Variants in MYPN observed in about 807,000 individuals in gnomAD.
MYPN encodes sarcomeric protein myopalladin, 145 kDa (MYOP).
A neutral mutation model predicts 129.4 loss-of-function variants in MYPN; 63 were observed. That is an observed-to-expected ratio of 0.49 (90% CI 0.40 to 0.60). The LOEUF (loss-of-function observed/expected upper bound fraction) is 0.60. Ranked by LOEUF, MYPN falls within the 20% of genes least tolerant of loss-of-function variation. The pLI, the probability that MYPN is intolerant of heterozygous loss-of-function variation, is 0.00. For missense variants in MYPN, 1,596 were observed against 1,635.4 expected, an observed-to-expected ratio of 0.98 and a Z score of 0.42; for synonymous variants, 629 against 600.9, an observed-to-expected ratio of 1.05 and a Z score of -0.68.
upstream of MYPN, among the ~76,000 whole-genome samples, chr10:68,108,604 T>A (rs1307938689): frequency 1.3e-5 from 2 of 152,234 alleles, no homozygotes; most frequent in Non-Finnish European, 2.9e-5. Flanking sequence ...TAACCATCAT[T>A]TAAGTCTGAA....
intron 12 of MYPN, among the ~76,000 whole-genome samples, chr10:68,188,631 C>G (rs1258979219): frequency 6.6e-6 from 1 of 152,146 alleles, no homozygotes; most frequent in South Asian, 2.1e-4. Flanking sequence ...AAATTATATT[C>G]CATCTACATT....
chr10:68,124,437 T>C (rs78650057), intron 2 of MYPN, among the ~76,000 whole-genome samples: 3,402 of 152,308 alleles, frequency 0.022, 214 homozygotes, highest in East Asian at 0.2. Context: ...TATTCCATAA[T>C]ATTCAATTAT....
chr10:68,131,375 C>T (rs1225275337), intron 2 of MYPN, among the ~76,000 whole-genome samples: 4 of 148,622 alleles, frequency 2.7e-5, no homozygotes, highest in Admixed American at 2.7e-4. Context: ...GGCAACAGAT[C>T]GAGACTGTGT....
At chr10:68,101,532 C>T (rs1589512610), upstream of MYPN, among the ~76,000 whole-genome samples, 1 of 151,970 alleles carries the variant, frequency 6.6e-6, no homozygotes. Context: ...CTCTTTTGTC[C>T]GATATTAAGA....
At chr10:68,138,179 T>C (rs990758994) in intron 2 of MYPN, among the ~76,000 whole-genome samples, 4 of 151,790 alleles carry the variant, frequency 2.6e-5, no homozygotes, top group African/African-American at 9.7e-5. Context: ...TTTGGCTCAT[T>C]GCAACCTCTG....
At chr10:68,160,410 A>G (rs1436896334) in intron 7 of MYPN, among the ~76,000 whole-genome samples, 1 of 141,516 alleles carries the variant, frequency 7.1e-6, no homozygotes, top group East Asian at 2.1e-4. Context: ...AGCCTGAGCA[A>G]CAGAGTGAGA....
intron 1 of MYPN, among the ~76,000 whole-genome samples, chr10:68,090,915 C>T (rs145470818): frequency 6.6e-6 from 1 of 152,212 alleles, no homozygotes; most frequent in African/African-American, 2.4e-5. Context: ...AACTCAGAAA[C>T]GTAATATATA....
At chr10:68,186,967 G>T (rs998891801) in intron 12 of MYPN, among the ~76,000 whole-genome samples, 42 of 152,094 alleles carry the variant, frequency 2.8e-4, no homozygotes, top group Non-Finnish European at 1.9e-4. Context: ...AGGAATCCAG[G>T]ATGAGTCCTA....
At chr10:68,137,208 C>T (rs983354297) in intron 2 of MYPN, among the ~76,000 whole-genome samples, 2 of 152,054 alleles carry the variant, frequency 1.3e-5, no homozygotes, top group Admixed American at 6.6e-5. Flanking sequence ...TTTCATTGTT[C>T]GCATATCTCT....
rs150414382 is a variant in MYPN, at chr10:68,197,363, G to A, written c.3170G>A (p.Arg1057Gln). ...SAGQSHRGRSRVQERDKEPLQ... is the reference protein window; with the variant it reads ...SAGQSHRGRSQVQERDKEPLQ... ...GCTTGTTGTTATAGGGGAAGATCCC[G>A]AGTGCAAGAAAGAGACAAAGAGCCC... Residue 1057 changes from arginine (R) to glutamine (Q), a missense_variant, in exon 16 of 20, where the codon CGA (arginine) becomes CAA (glutamine). Coordinates refer to ENST00000358913, the MANE Select transcript of MYPN (RefSeq NM_032578.4). 97 of 1,613,380 alleles carry A rather than the reference G, an allele frequency of 6.0e-5. 1 individual carries two copies. The highest frequency in any genetic ancestry group is 7.7e-5 in the Non-Finnish European group (91 of 1,179,720).
chr10:68,209,671 CTTTTTTTTT>C (rs35392300), intron 19 of MYPN, among the ~76,000 whole-genome samples: 3 of 131,238 alleles, frequency 2.3e-5, no homozygotes, highest in Admixed American at 1.6e-4. Context: ...GAATTCTTTT[CTTTTTTTTT>C]TTTTTTTTGT....
At chr10:68,103,752 C>G (rs2041992763), upstream of MYPN, among the ~76,000 whole-genome samples, 1 of 152,200 alleles carries the variant, frequency 6.6e-6, no homozygotes, top group African/African-American at 2.4e-5. Context: ...GAGTTCAAAA[C>G]CAGCCTGACT....
intron 2 of MYPN, chr10:68,136,307 C>A: frequency 1.0e-6 from 1 of 970,832 alleles, no homozygotes; most frequent in Non-Finnish European, 1.2e-6. Context: ...CTATTTATCC[C>A]AATCATTGAC....
chr10:68,206,131 G>A (rs977678642), intron 18 of MYPN, among the ~76,000 whole-genome samples: 7 of 152,036 alleles, frequency 4.6e-5, no homozygotes, highest in African/African-American at 1.7e-4. Flanking sequence ...GTGGCCCTAT[G>A]GTTTTTGATC....
intron 1 of MYPN, among the ~76,000 whole-genome samples, chr10:68,121,090 G>A (rs1445350452): frequency 6.6e-6 from 1 of 152,128 alleles, no homozygotes; most frequent in Non-Finnish European, 1.5e-5. Flanking sequence ...ACCAGCCTGG[G>A]CAACAGGCAA....
At chr10:68,129,073 C>T (rs2042370272) in intron 2 of MYPN, among the ~76,000 whole-genome samples, 2 of 151,866 alleles carry the variant, frequency 1.3e-5, no homozygotes, top group African/African-American at 4.8e-5. Flanking sequence ...GAGCAGGCTA[C>T]TCAAAGTGGG....
In MYPN at chr10:68,109,498, A is replaced by G. The variant is rs2042052174; in HGVS notation, c.-227A>G. On this transcript the variant is annotated 5_prime_UTR_variant, in exon 1 of 20. The change abolishes an upstream ATG in the 5' untranslated region. Transcript: ENST00000358913. ...TAACTTGGGACCTGTGAGCTGACAA[A>G]TGCTCTGGCTCCGGTGGTGACAGGT... The G allele has an allele frequency of 2.2e-6, 1 of 454,098 alleles. No individual in the cohort carries two copies. Among genetic ancestry groups the G allele is most frequent in the Non-Finnish European group, 4.4e-6 (1 of 226,784 alleles). 28.1% of individuals were successfully genotyped at this position (454,098 alleles called of 1,614,324 possible). A position where few individuals can be genotyped will look rare whatever the true frequency, so the allele number is the denominator to read the frequency against.
intron 7 of MYPN, among the ~76,000 whole-genome samples, chr10:68,161,434 G>T (rs2042972693): frequency 6.6e-6 from 1 of 151,496 alleles, no homozygotes; most frequent in African/African-American, 2.4e-5. Flanking sequence ...AGAATTGCTT[G>T]AACCCAGGAG....
rs550581529 is a variant in MYPN, at chr10:68,127,260, C to T, written c.902+4920C>T. On this transcript the variant is annotated intron_variant, in intron 2 of 19. Coordinates refer to ENST00000358913, the MANE Select transcript of MYPN (RefSeq NM_032578.4). ...CCTCAGGTGATCCACCTCCCTTGCC[C>T]TCCCAAAGTGCTGGGATTATAGGCG... is the stretch of plus-strand genomic sequence containing the variant. Among the ~76,000 whole-genome samples the T allele has an allele frequency of 3.2e-4, 49 of 152,040 alleles. 2 individuals are homozygous for T. In the South Asian group the frequency reaches 1.0e-2, roughly 31 times the overall value.
Sources: gnomAD v4.1 joint callset for allele counts (sites outside exome capture counted in the v4.1 genomes callset) on GRCh38, gnomAD v4.1.1 for gene constraint, MANE v1.5 for transcripts, NCBI Gene and HGNC (gene_info 2026-07-23, HGNC 2026-07-21) for gene names.